Variants in UBE2K observed in about 807,000 individuals in gnomAD.
The protein encoded by UBE2K is ubiquitin conjugating enzyme E2 K, also known as ubiquitin-conjugating enzyme E2 K.
A neutral mutation model predicts 30.0 loss-of-function variants in UBE2K; 6 were observed. That is an observed-to-expected ratio of 0.20 (90% CI 0.11 to 0.39). The LOEUF (loss-of-function observed/expected upper bound fraction) is 0.39. Ranked by LOEUF, UBE2K falls within the 10% of genes least tolerant of loss-of-function variation. The pLI, the probability that UBE2K is intolerant of heterozygous loss-of-function variation, is 1.00. For synonymous variants in UBE2K, 86 were observed against 83.7 expected (o/e 1.03, Z -0.15); for missense variants, 61 against 241.6 (o/e 0.25, Z 4.96).
At chr4:39,755,629 A>G (rs1267120760) in intron 3 of UBE2K, 28 bp from the exon 4 acceptor site, 1 of 1,532,238 alleles carries the variant, frequency 6.5e-7, no homozygotes, top group Admixed American at 1.8e-5. Context: ...TCTGTTACTG[A>G]AAAACTCAAG....
intron 3 of UBE2K, among the ~76,000 whole-genome samples, chr4:39,747,664 A>C (rs986626319): frequency 6.6e-6 from 1 of 151,802 alleles, no homozygotes; most frequent in African/African-American, 2.4e-5. Flanking sequence ...TCTCCCAGGC[A>C]GGAGTGCAGT....
At chr4:39,768,544 A>G (rs766421767) in intron 4 of UBE2K, among the ~76,000 whole-genome samples, 5 of 152,088 alleles carry the variant, frequency 3.3e-5, no homozygotes, top group Non-Finnish European at 7.4e-5. Context: ...TCATGTCTTA[A>G]AAGAATATTG....
At chr4:39,770,588 C>T (rs1329093845) in intron 4 of UBE2K, 207 of 1,581,668 alleles carry the variant, frequency 1.3e-4, no homozygotes, top group Non-Finnish European at 1.7e-4. Flanking sequence ...CCACGCTGGC[C>T]CGGCCTCCCG....
intron 1 of UBE2K, among the ~76,000 whole-genome samples, chr4:39,718,725 C>T (rs980119013): frequency 1.2e-4 from 18 of 152,234 alleles, no homozygotes; most frequent in African/African-American, 4.1e-4. Context: ...CGGCCGCATC[C>T]TCCGCAGCTG....
At chr4:39,718,553 G>A (rs1190557341) in intron 1 of UBE2K, among the ~76,000 whole-genome samples, 11 of 152,228 alleles carry the variant, frequency 7.2e-5, no homozygotes, top group East Asian at 3.8e-4. Context: ...ACTGGGTGCC[G>A]TGGAGCAGGG....
intron 3 of UBE2K, among the ~76,000 whole-genome samples, chr4:39,752,766 G>A (rs1295774348): frequency 6.6e-6 from 1 of 152,132 alleles, no homozygotes; most frequent in Non-Finnish European, 1.5e-5. Context: ...GATTTGAAAT[G>A]CTCCAAAATC....
At chr4:39,757,070 G>T (rs577338927) in intron 4 of UBE2K, among the ~76,000 whole-genome samples, 2 of 140,914 alleles carry the variant, frequency 1.4e-5, no homozygotes, top group Non-Finnish European at 1.5e-5. Flanking sequence ...TTGTCACCCA[G>T]GCTGGAGTGC....
At chr4:39,720,746 A>C (rs1040080527) in intron 1 of UBE2K, among the ~76,000 whole-genome samples, 1 of 152,122 alleles carries the variant, frequency 6.6e-6, no homozygotes, top group Non-Finnish European at 1.5e-5. Context: ...CTATGTATAT[A>C]TGTTTTTATT....
At chr4:39,738,235 A>G (rs1407823113) in intron 2 of UBE2K, among the ~76,000 whole-genome samples, 1 of 152,218 alleles carries the variant, frequency 6.6e-6, no homozygotes, top group Non-Finnish European at 1.5e-5. Context: ...TAGAAAACAT[A>G]TAACAATATA....
chr4:39,767,176 A>G (rs1043988182), intron 4 of UBE2K, among the ~76,000 whole-genome samples: 4 of 152,000 alleles, frequency 2.6e-5, no homozygotes, highest in African/African-American at 9.7e-5. Flanking sequence ...TTTCTCCCTT[A>G]TGTTTTTGCT....
At chr4:39,748,126 C>T (rs1209624518) in intron 3 of UBE2K, among the ~76,000 whole-genome samples, 1 of 152,158 alleles carries the variant, frequency 6.6e-6, no homozygotes, top group East Asian at 1.9e-4. Context: ...TGTATAATAG[C>T]TTCAAAGTAA....
At chr4:39,702,231 C>CTTTTTTTTTTTTTTT (rs564712672) in intron 1 of UBE2K, among the ~76,000 whole-genome samples, 25 of 67,364 alleles carry the variant, frequency 3.7e-4, no homozygotes, top group Non-Finnish European at 5.7e-4. Flanking sequence ...CTTTTCTTTT[C>CTTTTTTTTTTTTTTT]TTTTTTTTTT....
chr4:39,700,041 G>A (rs1717921121), intron 1 of UBE2K, among the ~76,000 whole-genome samples: 2 of 152,058 alleles, frequency 1.3e-5, no homozygotes, highest in African/African-American at 4.8e-5. Flanking sequence ...GCCAACAACT[G>A]AAAACATTTC....
intron 1 of UBE2K, among the ~76,000 whole-genome samples, chr4:39,710,987 C>A (rs1718636211): frequency 6.6e-6 from 1 of 151,644 alleles, no homozygotes; most frequent in Admixed American, 6.6e-5. Flanking sequence ...TTCTTTCTTT[C>A]TAGGAGTATC....
chr4:39,714,367 C>T (rs1190389024), intron 1 of UBE2K: 9 of 175,674 alleles, frequency 5.1e-5, no homozygotes, highest in Non-Finnish European at 1.2e-4. Flanking sequence ...GTCATGCACG[C>T]CTGTCAGAAT....
At position 39,751,128 on chromosome 4, in the gene UBE2K, G is replaced by A. The variant is rs1254009746; in HGVS notation, c.217-4529G>A. ...CTTCTTGTTTTTTTTTTTCAAATAG[G>A]GACGGGGTCTCACCATGTTGCCCAG... On this transcript the variant is annotated intron_variant, in intron 3 of 6. Transcript: ENST00000261427. 8.4e-5 allele frequency among the ~76,000 whole-genome samples: 12 copies of A among 142,218 alleles called. No homozygotes were observed. The East Asian group carries it at 2.6e-3, about 30-fold the overall frequency. 93.3% of individuals were successfully genotyped at this position (142,218 alleles called of 152,430 possible).
intron 3 of UBE2K, among the ~76,000 whole-genome samples, chr4:39,748,403 A>T (rs1721087464): frequency 6.6e-6 from 1 of 152,110 alleles, no homozygotes; most frequent in African/African-American, 2.4e-5. Context: ...CCCTTGTTTT[A>T]TTAAAGCGAG....
At chr4:39,748,705 ATCT>A (rs1206292430) in intron 3 of UBE2K, among the ~76,000 whole-genome samples, 2 of 152,134 alleles carry the variant, frequency 1.3e-5, no homozygotes, top group African/African-American at 4.8e-5. Context: ...ATTTAGAAAC[ATCT>A]TCTTAGGTTC....
At chr4:39,716,563 G>A in intron 1 of UBE2K, among the ~76,000 whole-genome samples, 1 of 151,818 alleles carries the variant, frequency 6.6e-6, no homozygotes. Flanking sequence ...TGGACTATTT[G>A]TATTAAACGT....
Sources: gnomAD v4.1 joint callset for allele counts (sites outside exome capture counted in the v4.1 genomes callset) on GRCh38, gnomAD v4.1.1 for gene constraint, MANE v1.5 for transcripts, NCBI Gene and HGNC (gene_info 2026-07-23, HGNC 2026-07-21) for gene names.